SLCO3A1: variants seen among roughly 807,000 people sequenced by gnomAD.
SLCO3A1 encodes solute carrier organic anion transporter family member 3A1, also known as PGE1 transporter.
Under a neutral mutation model 63.1 loss-of-function variants are expected in SLCO3A1, and 27 were observed. The ratio of observed to expected loss-of-function variants is 0.43; its 90% CI spans 0.32 to 0.59. The LOEUF (loss-of-function observed/expected upper bound fraction) is 0.59. SLCO3A1 is among the 20% of genes least tolerant of loss of function. SLCO3A1 has a pLI of 0.09. For synonymous variants in SLCO3A1, 473 were observed against 409.9 expected, an observed-to-expected ratio of 1.15 and a Z score of -1.86; for missense variants, 773 against 945.8, an observed-to-expected ratio of 0.82 and a Z score of 2.40.
intron 2 of SLCO3A1, among the ~76,000 whole-genome samples, chr15:91,937,595 T>C (rs1385440860): frequency 6.6e-6 from 1 of 151,916 alleles, no homozygotes; most frequent in East Asian, 1.9e-4. Flanking sequence ...GGTGGGTGCC[T>C]GTAATCCCAG....
intron 2 of SLCO3A1, among the ~76,000 whole-genome samples, chr15:92,006,858 C>G (rs1327656562): frequency 6.6e-6 from 1 of 152,192 alleles, no homozygotes; most frequent in African/African-American, 2.4e-5. Flanking sequence ...CTAGGGAAAG[C>G]CCCCAAATGT....
intron 1 of SLCO3A1, among the ~76,000 whole-genome samples, chr15:91,876,833 G>T (rs1267513575): frequency 2.0e-5 from 3 of 152,222 alleles, no homozygotes; most frequent in East Asian, 1.9e-4. Flanking sequence ...CATGGATGTG[G>T]CCTATGGTAG....
rs56982912 is a variant in SLCO3A1 at position 91,864,490 on chromosome 15, C to CT, written c.180+10420dup. ...TCTTATTCTCTTTTAAAATGTTCCT[C>CT]TTTTTTTTTTTTTTTTTTGTCTAAA... is the stretch of plus-strand genomic sequence containing the variant. On this transcript the variant is annotated intron_variant, in intron 1 of 9. Transcript: ENST00000318445. 5.0e-3 allele frequency among the ~76,000 whole-genome samples: 665 copies of CT among 133,700 alleles called. 2 individuals carry two copies. Among genetic ancestry groups the CT allele is most frequent in the South Asian group, 0.014 (58 of 4,118 alleles). The allele number at this position is 133,700 out of a possible 152,430, so 87.7% of individuals were successfully genotyped here. A position where few individuals can be genotyped will look rare whatever the true frequency, so the allele number is the denominator to read the frequency against.
intron 2 of SLCO3A1, among the ~76,000 whole-genome samples, chr15:91,926,594 T>TGC (rs1352169003): frequency 3.0e-4 from 28 of 94,252 alleles, no homozygotes; most frequent in South Asian, 1.6e-3. Flanking sequence ...TGTGTGTGTG[T>TGC]GTGCGCGCGC....
At position 92,162,939 on chromosome 15, in the gene SLCO3A1, A is replaced by T. The variant is rs955000991; in HGVS notation, c.1937A>T (p.Gln646Leu). Residue 646 changes from glutamine (Q) to leucine (L), a missense_variant, in exon 10 of 10, where the codon CAG (glutamine) becomes CTG (leucine). Transcript: ENST00000318445. ...FAFILYTTTW[Q>L]CLRKNYKRYI... ...TTCATCCTGTACACCACCACGTGGC[A>T]GTGCCTGAGGAAAAACTATAAACGC... is the stretch of plus-strand genomic sequence containing the variant. 1.2e-6 allele frequency: 2 copies of T among 1,614,200 alleles called. No homozygotes were observed. Among genetic ancestry groups the T allele is most frequent in the Non-Finnish European group, 1.7e-6 (2 of 1,180,044 alleles).
intron 2 of SLCO3A1, among the ~76,000 whole-genome samples, chr15:92,085,305 G>A (rs1451943092): frequency 6.6e-6 from 1 of 152,210 alleles, no homozygotes; most frequent in Non-Finnish European, 1.5e-5. Flanking sequence ...CTCGATTCAA[G>A]GAGCTGCCTT....
intron 7 of SLCO3A1, among the ~76,000 whole-genome samples, chr15:92,130,885 C>CAAA (rs993611856): frequency 1.4e-4 from 3 of 21,826 alleles, no homozygotes; most frequent in Admixed American, 4.5e-4. Flanking sequence ...AAGTTCGGGG[C>CAAA]AAAAAAAAAA....
intron 2 of SLCO3A1, among the ~76,000 whole-genome samples, chr15:92,074,040 A>C (rs984031320): frequency 5.3e-5 from 8 of 152,196 alleles, no homozygotes; most frequent in Admixed American, 1.3e-4. Context: ...GCATGGTGTC[A>C]GGCACCTGTA....
At chr15:92,094,131 T>C (rs922793238) in intron 2 of SLCO3A1, among the ~76,000 whole-genome samples, 1 of 152,194 alleles carries the variant, frequency 6.6e-6, no homozygotes, top group Non-Finnish European at 1.5e-5. Flanking sequence ...TTTCCCAGAA[T>C]GTCCTAAAAT....
chr15:91,878,549 C>G (rs1446501492), intron 1 of SLCO3A1, among the ~76,000 whole-genome samples: 1 of 152,210 alleles, frequency 6.6e-6, no homozygotes, highest in Non-Finnish European at 1.5e-5. Context: ...TGATGGGACA[C>G]TTGAAGCTTC....
downstream of SLCO3A1, among the ~76,000 whole-genome samples, chr15:92,170,280 C>T (rs2048514368): frequency 6.6e-6 from 1 of 152,184 alleles, no homozygotes; most frequent in South Asian, 2.1e-4. Context: ...ACAGATGGTG[C>T]TCCCATCCAG....
At chr15:91,911,335 C>T (rs1422146170) in intron 1 of SLCO3A1, among the ~76,000 whole-genome samples, 1 of 152,128 alleles carries the variant, frequency 6.6e-6, no homozygotes, top group Non-Finnish European at 1.5e-5. Context: ...AGCAGAGGTA[C>T]TCAAAGTGGG....
At position 91,863,336 on chromosome 15, in the gene SLCO3A1, T is replaced by C. The variant is rs898673723; in HGVS notation, c.180+9248T>C. On this transcript the variant is annotated intron_variant, in intron 1 of 9. Coordinates refer to ENST00000318445, the MANE Select transcript of SLCO3A1 (RefSeq NM_013272.4). The surrounding 1 kb of genome is among the most constrained non-coding windows in gnomAD (Gnocchi z 4.3). The stretch of plus-strand genomic sequence containing the variant: ...GTACAGGAGGCTTGTCCTGGGTCTG[T>C]GGTCACTGTAGCTTTCAGGGTGGTG... 9.2e-5 allele frequency among the ~76,000 whole-genome samples: 14 copies of C among 152,216 alleles called. No homozygotes were observed. The highest frequency in any genetic ancestry group is 3.1e-4 in the African/African-American group (13 of 41,466).
intron 2 of SLCO3A1, among the ~76,000 whole-genome samples, chr15:92,050,642 A>G (rs369050574): frequency 9.2e-5 from 14 of 152,298 alleles, no homozygotes; most frequent in Admixed American, 3.9e-4. Context: ...CCTGGCCACT[A>G]TCACTACCAC....
At chr15:92,080,170 T>C (rs1374496195) in intron 2 of SLCO3A1, among the ~76,000 whole-genome samples, 1 of 152,174 alleles carries the variant, frequency 6.6e-6, no homozygotes, top group Admixed American at 6.5e-5. Context: ...CCTGAAGTCG[T>C]CTAGCTTTGT....
intron 1 of SLCO3A1, among the ~76,000 whole-genome samples, chr15:91,876,658 G>T (rs563843059): frequency 6.6e-6 from 1 of 152,236 alleles, no homozygotes; most frequent in Non-Finnish European, 1.5e-5. Context: ...GCAAGCATGG[G>T]CTCTGGATAA....
intron 2 of SLCO3A1, among the ~76,000 whole-genome samples, chr15:92,012,535 C>T (rs943298727): frequency 1.3e-5 from 2 of 152,080 alleles, no homozygotes; most frequent in Admixed American, 1.3e-4. Flanking sequence ...CCCTTCCCAT[C>T]GCTGACCACA....
chr15:91,923,641 A>G (rs1396496708), intron 2 of SLCO3A1, among the ~76,000 whole-genome samples: 1 of 152,200 alleles, frequency 6.6e-6, no homozygotes, highest in East Asian at 1.9e-4. Context: ...ACGTATTCTT[A>G]TTTTAGTAAC....
At chr15:92,159,320 A>G (rs1485962544) in intron 9 of SLCO3A1, among the ~76,000 whole-genome samples, 6 of 152,200 alleles carry the variant, frequency 3.9e-5, no homozygotes, top group Admixed American at 1.3e-4. Flanking sequence ...CCCCGTCTCT[A>G]CTAAAAATAC....
Sources: allele counts gnomAD v4.1 joint callset (sites outside exome capture counted in the v4.1 genomes callset), GRCh38; gene constraint gnomAD v4.1.1; non-coding constraint Gnocchi (gnomAD v3.1); transcripts MANE v1.5; gene names NCBI Gene and HGNC (gene_info 2026-07-23, HGNC 2026-07-21).